Variants in CCDC178 observed in about 807,000 individuals in gnomAD.
CCDC178 encodes the protein coiled-coil domain containing 178, also known as coiled-coil domain-containing protein 178.
A neutral mutation model predicts 117.4 loss-of-function variants in CCDC178; 126 were observed. The ratio of observed to expected loss-of-function variants is 1.07; its 90% confidence interval spans 0.93 to 1.24. The LOEUF is 1.24. Ranked by LOEUF, CCDC178 falls within the 50% of genes most tolerant of loss-of-function variation. CCDC178 has a pLI of 0.00. For missense variants in CCDC178, 1,030 were observed against 986.9 expected (o/e 1.04, Z -0.59); for synonymous variants, 283 against 313.4 (o/e 0.90, Z 1.02).
chr18:33,430,801 G>A (rs1053275369), intron 2 of CCDC178, among the ~76,000 whole-genome samples: 5 of 152,120 alleles, frequency 3.3e-5, no homozygotes, highest in South Asian at 4.1e-4. Context: ...GGCCGGGCGC[G>A]GTGGCTCATG....
rs1049387131 is a variant in CCDC178, at chr18:33,296,619, C to T, written c.1023-3307G>A. 3.3e-5 allele frequency among the ~76,000 whole-genome samples: 5 copies of T among 152,148 alleles called. No homozygotes were observed. The East Asian group carries it at 9.7e-4, about 29-fold the overall frequency. On this transcript the variant is annotated intron_variant, in intron 11 of 22. Transcript: ENST00000383096. ...AAAGCAAAATATTAGATGAAACAGA[C>T]CTGCATATTTATCAAGATTGAGATA...
chr18:33,120,716 TTTC>T (rs1257325874), intron 20 of CCDC178, among the ~76,000 whole-genome samples: 2 of 152,166 alleles, frequency 1.3e-5, no homozygotes, highest in Admixed American at 1.3e-4. Context: ...CATGGATTTC[TTTC>T]TTATTTTGAC....
chr18:32,946,473 A>G (rs146418975), intron 22 of CCDC178, among the ~76,000 whole-genome samples: 8 of 152,162 alleles, frequency 5.3e-5, no homozygotes, highest in Admixed American at 3.9e-4. Context: ...ATATATGGTT[A>G]TTACAGAGAA....
rs1164719135 is a variant in CCDC178, at chr18:33,017,104, G to GA, written c.2389-42424dup. 7.9e-5 allele frequency among the ~76,000 whole-genome samples: 12 copies of GA among 151,934 alleles called. No individual in the cohort carries two copies. In the South Asian group the frequency reaches 2.5e-3, roughly 31 times the overall value. ...CATTTTACTATCAGTTTTACATGGA[G>GA]AAATTAGGCTGGAAAAGAAATAAAA... On this transcript the variant is annotated intron_variant, in intron 21 of 22. Coordinates refer to ENST00000383096, the MANE Select transcript of CCDC178 (RefSeq NM_001105528.4).
Position 33,370,046 on chromosome 18 carries a change from T to C in CCDC178, c.348+4A>G. On this transcript the variant is annotated splice_donor_region_variant and intron_variant, in intron 6 of 22. Coordinates refer to ENST00000383096, the MANE Select transcript of CCDC178 (RefSeq NM_001105528.4). Reference sequence around the variant, plus strand: ...AATATCAGCATTTTAAATTAGTCTCTTACCCTTTTCAAATGCTCCTGTATT... The same window carrying C: ...AATATCAGCATTTTAAATTAGTCTCCTACCCTTTTCAAATGCTCCTGTATT... The C allele has an allele frequency of 1.3e-6, 2 of 1,575,708 alleles. No homozygotes were observed. The highest frequency in any genetic ancestry group is 1.7e-6 in the Non-Finnish European group (2 of 1,163,886).
chr18:33,263,766 C>A (rs1390648624), intron 14 of CCDC178, among the ~76,000 whole-genome samples: 1 of 152,042 alleles, frequency 6.6e-6, no homozygotes, highest in Non-Finnish European at 1.5e-5. Context: ...GAAACAAAAT[C>A]ATAGTCTAGA....
chr18:33,024,706 C>T (rs540728387), intron 21 of CCDC178, among the ~76,000 whole-genome samples: 4 of 151,768 alleles, frequency 2.6e-5, no homozygotes, highest in South Asian at 2.1e-4. Flanking sequence ...TGCAGTGGCA[C>T]GATCTCGGCT....
intron 6 of CCDC178, among the ~76,000 whole-genome samples, chr18:33,363,211 T>C (rs2063154466): frequency 6.6e-6 from 1 of 151,966 alleles, no homozygotes; most frequent in Admixed American, 6.6e-5. Context: ...CAAAAGAATA[T>C]GGCTGGGGCT....
chr18:33,184,052 A>G (rs998579665), intron 20 of CCDC178, among the ~76,000 whole-genome samples: 42 of 152,102 alleles, frequency 2.8e-4, no homozygotes, highest in Admixed American at 2.6e-4. Flanking sequence ...ACTAGTGGAA[A>G]TAAGTTATTC....
chr18:32,975,334 G>C (rs1440547211), intron 21 of CCDC178, among the ~76,000 whole-genome samples: 1 of 152,148 alleles, frequency 6.6e-6, no homozygotes, highest in Non-Finnish European at 1.5e-5. Flanking sequence ...AGTGGATGCG[G>C]TGTTAAGAAG....
chr18:32,988,079 AAAT>A (rs145642185), intron 21 of CCDC178, among the ~76,000 whole-genome samples: 14,340 of 140,998 alleles, frequency 0.1, 1,050 homozygotes, highest in African/African-American at 0.21. Flanking sequence ...ATCCGTCTCA[AAAT>A]AATAATAATA....
chr18:33,350,115 T>C (rs2062954275), intron 7 of CCDC178, among the ~76,000 whole-genome samples: 1 of 151,988 alleles, frequency 6.6e-6, no homozygotes, highest in Non-Finnish European at 1.5e-5. Flanking sequence ...AATTGAAAAA[T>C]AATTGTCCCA....
chr18:33,283,745 C>A (rs1388890836), intron 12 of CCDC178, among the ~76,000 whole-genome samples: 1 of 151,864 alleles, frequency 6.6e-6, no homozygotes, highest in Non-Finnish European at 1.5e-5. Context: ...TACTAAAAAG[C>A]CAAAAAAATA....
chr18:33,277,256 G>A (rs1386861635), intron 12 of CCDC178, among the ~76,000 whole-genome samples: 1 of 152,038 alleles, frequency 6.6e-6, no homozygotes, highest in Admixed American at 6.6e-5. Flanking sequence ...GTAAATTAGT[G>A]CAGTAAGAAT....
chr18:33,070,128 A>G (rs1417568011), intron 21 of CCDC178, among the ~76,000 whole-genome samples: 2 of 152,018 alleles, frequency 1.3e-5, no homozygotes, highest in Non-Finnish European at 2.9e-5. Context: ...GTTCCTCGAA[A>G]AGCTAAAAAC....
intron 21 of CCDC178, among the ~76,000 whole-genome samples, chr18:33,019,183 G>T (rs1336858085): frequency 2.0e-5 from 3 of 152,080 alleles, no homozygotes; most frequent in Non-Finnish European, 4.4e-5. Flanking sequence ...AAGTATTTTT[G>T]ATTTAAAAAT....
intron 15 of CCDC178, among the ~76,000 whole-genome samples, chr18:33,241,037 T>C (rs186313506): frequency 6.6e-6 from 1 of 151,942 alleles, no homozygotes; most frequent in Non-Finnish European, 1.5e-5. Context: ...AAAATATGGT[T>C]CAACACATGT....
chr18:33,275,953 A>AT (rs1474613601), intron 12 of CCDC178, among the ~76,000 whole-genome samples: 1 of 151,904 alleles, frequency 6.6e-6, no homozygotes, highest in African/African-American at 2.4e-5. Flanking sequence ...TCCACAATAT[A>AT]TTTTTAAGTA....
intron 21 of CCDC178, among the ~76,000 whole-genome samples, chr18:32,984,835 T>G (rs2055229047): frequency 6.6e-6 from 1 of 151,990 alleles, no homozygotes; most frequent in Non-Finnish European, 1.5e-5. Flanking sequence ...GATGAACATA[T>G]TTTTGAAGCA....
Sources: allele counts gnomAD v4.1 joint callset (sites outside exome capture counted in the v4.1 genomes callset), GRCh38; gene constraint gnomAD v4.1.1; transcripts MANE v1.5; gene names NCBI Gene and HGNC (gene_info 2026-07-23, HGNC 2026-07-21).